Variants in NACA observed in about 807,000 individuals in gnomAD.
NACA encodes the protein nascent polypeptide-associated complex subunit alpha.
NACA carries 42 observed loss-of-function variants against 86.4 expected under a neutral mutation model. That is an observed-to-expected ratio of 0.49 (90% CI 0.38 to 0.63). The LOEUF (loss-of-function observed/expected upper bound fraction) is 0.63, where lower values mean the gene tolerates loss of function less well. Among genes scored for constraint, NACA ranks in the 20% least tolerant of loss-of-function variants. NACA has a pLI of 0.00. For missense variants in NACA, 2,157 were observed against 2,483.6 expected, an observed-to-expected ratio of 0.87 and a Z score of 2.80; for synonymous variants, 898 against 973.7, an observed-to-expected ratio of 0.92 and a Z score of 1.45.
chr12:56,718,873 G>C lies in NACA; in HGVS notation c.2657C>G (p.Pro886Arg). ...KGVTLPPKET[P>R]TPSVVNLPFP... ...GGGCAGATTCACCACTGAAGGAGTG[G>C]GGGTCTCTTTGGGGGGTAGTGTTAC... Residue 886 changes from proline (P) to arginine (R), a missense_variant, in exon 3 of 9, where the codon CCC becomes CGC. Pro to Arg is a moderately radical substitution (Grantham distance 103). Around this residue, in one of 8 missense-constraint regions of NACA, gnomAD observed 174 missense variants for 217.0 expected, o/e 0.80. Transcript: ENST00000454682. The C allele has an allele frequency of 7.0e-7, 1 of 1,422,066 alleles. No individual in the cohort carries two copies. Among genetic ancestry groups the C allele is most frequent in the Non-Finnish European group, 9.4e-7 (1 of 1,059,882 alleles). The allele number at this position is 1,422,066 out of a possible 1,614,324, so 88.1% of individuals were successfully genotyped here. A position where few individuals can be genotyped will look rare whatever the true frequency, so the allele number is the denominator to read the frequency against.
rs1953562712 is a variant in NACA at position 56,721,077 on chromosome 12, A to C, written c.453T>G (p.Ser151=). The change falls in exon 3 of 9, where the codon TCT becomes TCG. Residue 151 remains serine, a synonymous_variant. Transcript: ENST00000454682. Reference sequence around the variant, plus strand: ...AAGTAAGAAGGTTAGGTGGAAAAGCAGAACTCTTCTGAACTGAGTGGGGAG... The same window carrying C: ...AAGTAAGAAGGTTAGGTGGAAAAGCCGAACTCTTCTGAACTGAGTGGGGAG... ...ALAPHSVQKS[S]AFPPNLLTSP... 6.2e-7 allele frequency: 1 copy of C among 1,613,974 alleles called. No individual in the cohort carries two copies. Among genetic ancestry groups the C allele is most frequent in the East Asian group, 2.2e-5 (1 of 44,878 alleles).
At chr12:56,715,123 G>T (rs954081528) in intron 3 of NACA, among the ~76,000 whole-genome samples, 3 of 152,156 alleles carry the variant, frequency 2.0e-5, no homozygotes, top group Non-Finnish European at 2.9e-5. Context: ...CAACAGGTTG[G>T]GTGGTTTTCC....
At chr12:56,712,633 CAGG>C (rs2137795667) in intron 8 of NACA, 81 bp from the exon 9 acceptor site, 3 of 1,597,122 alleles carry the variant, frequency 1.9e-6, no homozygotes, top group South Asian at 2.2e-5. Context: ...ACAGGCAAAT[CAGG>C]AGAATTTAGG....
chr12:56,716,832 G>T lies in NACA; in HGVS notation c.4698C>A (p.Thr1566=). 1 of 1,325,354 alleles carries T rather than the reference G, an allele frequency of 7.5e-7. No homozygotes were observed. The highest frequency in any genetic ancestry group is 9.8e-7 in the Non-Finnish European group (1 of 1,016,194). 82.1% of individuals were successfully genotyped at this position (1,325,354 alleles called of 1,614,324 possible). A position where few individuals can be genotyped will look rare whatever the true frequency, so the allele number is the denominator to read the frequency against. ...ATGGGGTAGCTGGGGCTTCTTTGGG[G>T]GTTGGAATTGCTGGGGTCTTTTTAG... ...PSPKKTPAIP[T]PKEAPATPSS... Residue 1566 remains threonine (T), a synonymous_variant, in exon 3 of 9, where the codon ACC becomes ACA. Coordinates refer to ENST00000454682, the MANE Select transcript of NACA (RefSeq NM_001365896.1).
At chr12:56,715,240 T>C (rs1353633451) in intron 3 of NACA, among the ~76,000 whole-genome samples, 1 of 152,180 alleles carries the variant, frequency 6.6e-6, no homozygotes, top group Non-Finnish European at 1.5e-5. Context: ...TCAATATAAT[T>C]AGAAGATTCT....
In NACA at chr12:56,717,536, C is replaced by T. The variant is rs550672821; in HGVS notation, c.3994G>A (p.Ala1332Thr). 5.2e-4 allele frequency: 652 copies of T among 1,265,018 alleles called. 6 individuals are homozygous for T. In the South Asian group the frequency reaches 0.011, roughly 20 times the overall value. The allele number at this position is 1,265,018 out of a possible 1,614,324, so 78.4% of individuals were successfully genotyped here. Residue 1332 changes from alanine to threonine, a missense_variant, in exon 3 of 9, where the codon GCC becomes ACC. Ala to Thr is a moderately conservative substitution (Grantham distance 58). Around this residue, in one of 8 missense-constraint regions of NACA, gnomAD observed 797 missense variants for 777.6 expected, o/e 1.02. Coordinates refer to ENST00000454682, the MANE Select transcript of NACA (RefSeq NM_001365896.1). ...GGAGTTACAGCTGGGGGAGTGGGGGCCCCTTTGGGGGGTGGGGTACCTGGG... is the reference window on the plus strand; with the variant it reads ...GGAGTTACAGCTGGGGGAGTGGGGGTCCCTTTGGGGGGTGGGGTACCTGGG... ...GSPGTPPPKG[A>T]PTPPAVTPPS... is the part of the protein sequence containing the mutation.
rs1171431267 is a variant in NACA, at chr12:56,721,350, A to C, written c.180T>G (p.Ala60=). 3 of 1,607,350 alleles carry C rather than the reference A, an allele frequency of 1.9e-6. No individual in the cohort carries two copies. Among genetic ancestry groups the C allele is most frequent in the Non-Finnish European group, 2.5e-6 (3 of 1,177,240 alleles). Residue 60 remains alanine (A), a synonymous_variant, in exon 3 of 9, where the codon GCT becomes GCG. Coordinates refer to ENST00000454682, the MANE Select transcript of NACA (RefSeq NM_001365896.1). The part of the protein sequence containing the change: ...SPAPQQCPLS[A]ANQASPFPSP... ...AAGGGAATGGGGAAGCCTGGTTAGCAGCTGAGAGAGGGCACTGTTGTGGGG... is the reference window on the plus strand; with the variant it reads ...AAGGGAATGGGGAAGCCTGGTTAGCCGCTGAGAGAGGGCACTGTTGTGGGG...
chr12:56,714,842 CCCTAA>C (rs1953308757), intron 3 of NACA, 155 bp from the exon 4 acceptor site: 1 of 667,790 alleles, frequency 1.5e-6, no homozygotes, highest in Non-Finnish European at 2.6e-6. Context: ...GCTTGATAGC[CCCTAA>C]CTTAGTCACT....
At position 56,720,961 on chromosome 12, in the gene NACA, T is replaced by TAA. The variant is rs1353751092; in HGVS notation, c.568_569insTT (p.Lys190IlefsTer7). ...ATTAGGGACTACCTCAGAGGGAACT[T>TAA]TATTAAGATTAGTCTTTGGTTCTGA... On this transcript the variant is annotated frameshift_variant, in exon 3 of 9. Coordinates refer to ENST00000454682, the MANE Select transcript of NACA (RefSeq NM_001365896.1). LOFTEE classifies it high-confidence loss of function. 1 of 1,613,802 alleles carries TAA rather than the reference T, an allele frequency of 6.2e-7. No individual in the cohort carries two copies.
At chr12:56,721,565 T>A (rs1399007590) in intron 2 of NACA, 106 bp from the exon 3 acceptor site, 3 of 673,414 alleles carry the variant, frequency 4.5e-6, no homozygotes, top group Non-Finnish European at 7.1e-6. Flanking sequence ...ACACTGGAGT[T>A]TAAAATCTGA....
chr12:56,719,019 T>C lies in NACA; in HGVS notation c.2511A>G (p.Pro837=), dbSNP rs965963877. The C allele has an allele frequency of 2.1e-6, 3 of 1,447,582 alleles. No homozygotes were observed. Among genetic ancestry groups the C allele is most frequent in the Non-Finnish European group, 2.8e-6 (3 of 1,071,474 alleles). 89.7% of individuals were successfully genotyped at this position (1,447,582 alleles called of 1,614,324 possible). A position where few individuals can be genotyped will look rare whatever the true frequency, so the allele number is the denominator to read the frequency against. The change falls in exon 3 of 9, where the codon CCA becomes CCG. Residue 837 remains proline, a synonymous_variant. Transcript: ENST00000454682. ...PVSPVEASFL[P]ENSLSFQGSK... Reference sequence around the variant, plus strand: ...AGCCTTGGAAAGAAAGACTATTCTCTGGAAGAAATGAAGCTTCAACTGGAG... The same window carrying C: ...AGCCTTGGAAAGAAAGACTATTCTCCGGAAGAAATGAAGCTTCAACTGGAG...
In NACA at chr12:56,718,953, T is replaced by C. The variant is rs780214649; in HGVS notation, c.2577A>G (p.Pro859=). The change falls in exon 3 of 9, where the codon CCA becomes CCG. Residue 859 remains proline, a synonymous_variant. Transcript: ENST00000454682. ...SPATTHSPTP[P]SPKGAPTPSA... is the part of the protein sequence containing the mutation. Reference sequence around the variant, plus strand: ...AGGGAGTAGGGGCCCCTTTGGGGGATGGAGGAGTGGGAGAATGCGTCGTGG... The same window carrying C: ...AGGGAGTAGGGGCCCCTTTGGGGGACGGAGGAGTGGGAGAATGCGTCGTGG... 67 of 1,445,006 alleles carry C rather than the reference T, an allele frequency of 4.6e-5. No individual in the cohort carries two copies. The highest frequency in any genetic ancestry group is 6.0e-5 in the Non-Finnish European group (64 of 1,070,122). The allele number at this position is 1,445,006 out of a possible 1,614,324, so 89.5% of individuals were successfully genotyped here. A position where few individuals can be genotyped will look rare whatever the true frequency, so the allele number is the denominator to read the frequency against.
At position 56,716,598 on chromosome 12, in the gene NACA, A is replaced by G. The variant is rs753843604; in HGVS notation, c.4932T>C (p.Pro1644=). ...AAGTAGGGGAGTCTTTGAGGGAGGA[A>G]GGAGTCACAGGTGGGGAAGTGGGAG... The part of the protein sequence containing the change: ...KGTPTSPPVT[P]SSLKDSPTSP... Residue 1644 remains proline (P), a synonymous_variant, in exon 3 of 9, where the codon CCT becomes CCC. Coordinates refer to ENST00000454682, the MANE Select transcript of NACA (RefSeq NM_001365896.1). 2.1e-6 allele frequency: 3 copies of G among 1,452,224 alleles called. No homozygotes were observed. The highest frequency in any genetic ancestry group is 2.8e-6 in the Non-Finnish European group (3 of 1,074,862). The allele number at this position is 1,452,224 out of a possible 1,614,324, so 90.0% of individuals were successfully genotyped here. A position where few individuals can be genotyped will look rare whatever the true frequency, so the allele number is the denominator to read the frequency against.
rs201572567 is a variant in NACA at position 56,718,654 on chromosome 12, G to A, written c.2876C>T (p.Pro959Leu). Reference sequence around the variant, plus strand: ...AGCTGGGGGTGTGGGGGCCCATTTCGGGGATGGGGTAGCTGGGCCTCCTTT... The same window carrying A: ...AGCTGGGGGTGTGGGGGCCCATTTCAGGGATGGGGTAGCTGGGCCTCCTTT... ...SPKGGPATPSPKWAPTPPAAT... is the reference protein window; with the variant it reads ...SPKGGPATPSLKWAPTPPAAT... The change falls in exon 3 of 9, where the codon CCG (proline) becomes CTG (leucine). Residue 959 changes from proline to leucine, a missense_variant. Coordinates refer to ENST00000454682, the MANE Select transcript of NACA (RefSeq NM_001365896.1). 12 of 1,302,332 alleles carry A rather than the reference G, an allele frequency of 9.2e-6. No individual in the cohort carries two copies. In the East Asian group the frequency reaches 1.5e-4, roughly 16 times the overall value. The allele number at this position is 1,302,332 out of a possible 1,614,324, so 80.7% of individuals were successfully genotyped here.
rs752962711 is a variant in NACA, at chr12:56,719,047, A to T, written c.2483T>A (p.Val828Asp). 2 of 1,448,574 alleles carry T rather than the reference A, an allele frequency of 1.4e-6. No individual in the cohort carries two copies. The highest frequency in any genetic ancestry group is 1.4e-5 in the African/African-American group (1 of 71,580). 89.7% of individuals were successfully genotyped at this position (1,448,574 alleles called of 1,614,324 possible). ...AAGAAATGAAGCTTCAACTGGAGAA[A>T]CAGGGGATGAGAGATTTCCAATAGG... ...DTPIGNLSSP[V>D]SPVEASFLPE... The change falls in exon 3 of 9, where the codon GTT (valine) becomes GAT (aspartate). Residue 828 changes from valine (V) to aspartate (D), a missense_variant. Physicochemically the swap from Val to Asp is radical, Grantham distance 152 (BLOSUM62 -3). Around this residue, in one of 8 missense-constraint regions of NACA, gnomAD observed 174 missense variants for 217.0 expected, o/e 0.80. Coordinates refer to ENST00000454682, the MANE Select transcript of NACA (RefSeq NM_001365896.1).
rs1469121388 is a variant in NACA at position 56,720,370 on chromosome 12, G to T, written c.1160C>A (p.Thr387Asn). Reference sequence around the variant, plus strand: ...AGGGCTGCAGGTTATGCTAGAGATGGTAGAGGGACCTTTGTCAACAGATGG... The same window carrying T: ...AGGGCTGCAGGTTATGCTAGAGATGTTAGAGGGACCTTTGTCAACAGATGG... ...VAPSVDKGPS[T>N]ISSITCSPSG... The change falls in exon 3 of 9, where the codon ACC (threonine) becomes AAC (asparagine). Residue 387 changes from threonine to asparagine, a missense_variant. Thr to Asn is a moderately conservative substitution (Grantham distance 65). Transcript: ENST00000454682. 3 of 1,613,934 alleles carry T rather than the reference G, an allele frequency of 1.9e-6. No homozygotes were observed. In the Admixed American group the frequency reaches 5.0e-5, roughly 27 times the overall value.
At chr12:56,715,386 C>T (rs1213047939) in intron 3 of NACA, among the ~76,000 whole-genome samples, 1 of 152,102 alleles carries the variant, frequency 6.6e-6, no homozygotes, top group Non-Finnish European at 1.5e-5. Context: ...CTAGGAAAAA[C>T]AGATTTCTAC....
At chr12:56,713,834 T>C (rs1458540759) in intron 5 of NACA, 151 bp from the exon 6 acceptor site, 7 of 781,342 alleles carry the variant, frequency 9.0e-6, no homozygotes, top group Non-Finnish European at 1.4e-5. Context: ...CCGTAGTAAC[T>C]TCTGTTACTT....
rs750338709 is a variant in NACA, at chr12:56,712,555, G to A, written c.6223-3C>T. On this transcript the variant is annotated splice_polypyrimidine_tract_variant and splice_region_variant and intron_variant, in intron 8 of 8. Coordinates refer to ENST00000454682, the MANE Select transcript of NACA (RefSeq NM_001365896.1). ...CCATATGGTTACATTGTTAATTCCT[G>A]TAACAGAGAAAAGATAATTAGCGGT... The A allele has an allele frequency of 3.1e-6, 5 of 1,613,578 alleles. No homozygotes were observed. In the Admixed American group the frequency reaches 6.7e-5, roughly 22 times the overall value.
Sources: allele counts gnomAD v4.1 joint callset (sites outside exome capture counted in the v4.1 genomes callset), GRCh38; gene constraint gnomAD v4.1.1; regional missense constraint gnomAD v4.1.1; transcripts MANE v1.5; gene names NCBI Gene and HGNC (gene_info 2026-07-23, HGNC 2026-07-21).